MYH2: variants seen among roughly 807,000 people sequenced by gnomAD.
MYH2 encodes myosin heavy chain 2.
In MYH2, 139 loss-of-function variants were observed where a neutral mutation model predicts 228.1. That is an observed-to-expected ratio of 0.61 (90% confidence interval 0.53 to 0.70). MYH2 has a LOEUF of 0.70. Among genes scored for constraint, MYH2 ranks in the 30% least tolerant of loss-of-function variants. MYH2 has a pLI of 0.00. For synonymous variants in MYH2, 796 were observed against 871.1 expected, an observed-to-expected ratio of 0.91 and a Z score of 1.52; for missense variants, 1,809 against 2,357.5, an observed-to-expected ratio of 0.77 and a Z score of 4.82.
intron 19 of MYH2, among the ~76,000 whole-genome samples, chr17:10,534,523 A>C (rs185813097): frequency 1.3e-3 from 199 of 152,362 alleles, no homozygotes; most frequent in African/African-American, 4.5e-3. Context: ...GTTCTTAATT[A>C]TTATTGGAGT....
At chr17:10,549,022 A>G (rs1298338177) in intron 2 of MYH2, among the ~76,000 whole-genome samples, 4 of 152,246 alleles carry the variant, frequency 2.6e-5, no homozygotes, top group African/African-American at 4.8e-5. Context: ...TCCATTTTAC[A>G]TTGTTGGACA....
chr17:10,536,100 T>TC (rs1235012729), intron 17 of MYH2, among the ~76,000 whole-genome samples: 1 of 152,204 alleles, frequency 6.6e-6, no homozygotes, highest in Non-Finnish European at 1.5e-5. Flanking sequence ...GTAATTTAAA[T>TC]CCCTTCTTTC....
Position 10,523,518 on chromosome 17 carries a change from T to G in MYH2, c.5450A>C (p.Gln1817Pro). Residue 1817 changes from glutamine (Q) to proline (P), a missense_variant, in exon 37 of 40, where the codon CAG becomes CCG. Physicochemically the swap from Gln to Pro is moderately conservative, Grantham distance 76. Around this residue, in one of 9 missense-constraint regions of MYH2, gnomAD observed 278 missense variants for 308.5 expected, o/e 0.90. Coordinates refer to ENST00000245503, the MANE Select transcript of MYH2 (RefSeq NM_017534.6). The part of the protein sequence containing the change: ...EQLALKGGKK[Q>P]IQKLEARVRE... ...CACCCTGGCCTCCAGTTTCTGGATC[T>G]GCTTCTTCCCACCCTTCAGGGCCAG... The G allele has an allele frequency of 1.9e-6, 3 of 1,614,220 alleles. No individual in the cohort carries two copies. The highest frequency in any genetic ancestry group is 2.5e-6 in the Non-Finnish European group (3 of 1,180,028).
rs192793635 is a variant in MYH2, at chr17:10,531,600, G to A, written c.2697+33C>T. On this transcript the variant is annotated intron_variant, in intron 22 of 39. Transcript: ENST00000245503. The stretch of plus-strand genomic sequence containing the variant: ...CCAAAGTTCTAGCACCTGCATCCTG[G>A]TTAGTGATACCAAGGGTGATATTCC... 2.5e-4 allele frequency: 407 copies of A among 1,614,094 alleles called. 5 individuals carry two copies. In the East Asian group the frequency reaches 9.0e-3, roughly 36 times the overall value.
rs61739663 is a variant in MYH2, at chr17:10,525,735, G to A, written c.4329C>T (p.Ala1443=). Residue 1443 remains alanine, a synonymous_variant, in exon 31 of 40, where the codon GCC becomes GCT. Coordinates refer to ENST00000245503, the MANE Select transcript of MYH2 (RefSeq NM_017534.6). The surrounding 1 kb of genome is among the most constrained non-coding windows in gnomAD (Gnocchi z 4.2). The stretch of plus-strand genomic sequence containing the variant: ...GCTTTTTGTCAAGGGCGGCACAGGC[G>A]GCATTTGTCCTCTCCACATCAAGCA... ...DLMLDVERTN[A]ACAALDKKQR... is the part of the protein sequence containing the mutation. The A allele has an allele frequency of 6.0e-3, 9,700 of 1,614,174 alleles. 39 individuals carry two copies. Among genetic ancestry groups the A allele is most frequent in the Non-Finnish European group, 7.4e-3 (8,778 of 1,180,030 alleles).
rs1188031057 is a variant in MYH2 at position 10,529,907 on chromosome 17, T to C, written c.2865A>G (p.Glu955=). ...KKRKLEDECS[E]LKKDIDDLEL... ...CAAGGTCATCAATGTCTTTCTTGAG[T>C]TCTGAACATTCATCCTCCAGTTTCC... The change falls in exon 23 of 40, where the codon GAA becomes GAG. Residue 955 remains glutamate, a synonymous_variant. Coordinates refer to ENST00000245503, the MANE Select transcript of MYH2 (RefSeq NM_017534.6). 1 of 1,612,842 alleles carries C rather than the reference T, an allele frequency of 6.2e-7. No homozygotes were observed. Among genetic ancestry groups the C allele is most frequent in the Non-Finnish European group, 8.5e-7 (1 of 1,178,950 alleles).
chr17:10,525,368 C>T lies in MYH2; in HGVS notation c.4538-20G>A. 1 of 1,614,096 alleles carries T rather than the reference C, an allele frequency of 6.2e-7. No homozygotes were observed. The highest frequency in any genetic ancestry group is 8.5e-7 in the Non-Finnish European group (1 of 1,180,004). ...TCTCCTCTGTTGTTTGAGTAAAAGACAGGTAGGGATTTGGTTAAACATGTG... is the reference window on the plus strand; with the variant it reads ...TCTCCTCTGTTGTTTGAGTAAAAGATAGGTAGGGATTTGGTTAAACATGTG... On this transcript the variant is annotated intron_variant, in intron 32 of 39. Transcript: ENST00000245503. This position sits in a 1 kb window ranked among gnomAD's most constrained non-coding sequence, Gnocchi z 4.2.
In MYH2 at chr17:10,539,247, G is replaced by GTAC; in HGVS notation, c.1371_1373dup (p.Gln457_Tyr458insTer). The GTAC allele has an allele frequency of 6.2e-7, 1 of 1,614,212 alleles. No individual in the cohort carries two copies. Among genetic ancestry groups the GTAC allele is most frequent in the East Asian group, 2.2e-5 (1 of 44,880 alleles). ...CAGCAATGTCCAAGACCCCGATGAA[G>GTAC]TACTGCCTGGGCTGCTTGGTGTCCA... On this transcript the variant is annotated stop_gained, in exon 14 of 40. Transcript: ENST00000245503. LOFTEE classifies it high-confidence loss of function.
chr17:10,548,403 C>T (rs915531206), intron 2 of MYH2, among the ~76,000 whole-genome samples: 1 of 152,126 alleles, frequency 6.6e-6, no homozygotes, highest in Non-Finnish European at 1.5e-5. Context: ...GTTCAGGCCA[C>T]CATTTATATA....
chr17:10,525,982 A>G lies in MYH2; in HGVS notation c.4188-106T>C, dbSNP rs950550000. The G allele has an allele frequency of 7.1e-6, 9 of 1,270,688 alleles. No homozygotes were observed. In the Admixed American group the frequency reaches 1.9e-4, roughly 27 times the overall value. 78.7% of individuals were successfully genotyped at this position (1,270,688 alleles called of 1,614,324 possible). A position where few individuals can be genotyped will look rare whatever the true frequency, so the allele number is the denominator to read the frequency against. On this transcript the variant is annotated intron_variant, in intron 30 of 39. Coordinates refer to ENST00000245503, the MANE Select transcript of MYH2 (RefSeq NM_017534.6). This position sits in a 1 kb window ranked among gnomAD's most constrained non-coding sequence, Gnocchi z 4.2. ...TAGAAACTTCACATTAATGCTGCCC[A>G]GCCACCTTTCATTCTTTCAACAAAT... is the stretch of plus-strand genomic sequence containing the variant.
chr17:10,539,564 T>G lies in MYH2; in HGVS notation c.1148-2A>C, dbSNP rs1339907935. 6.2e-7 allele frequency: 1 copy of G among 1,609,964 alleles called. No individual in the cohort carries two copies. Among genetic ancestry groups the G allele is most frequent in the Non-Finnish European group, 8.5e-7 (1 of 1,176,264 alleles). ...GGAGGTAGGCCGCCTTGTCAGCAAC[T>G]AAAAAGAAGAAAGAGTAGAACAATG... is the stretch of plus-strand genomic sequence containing the variant. On this transcript the variant is annotated splice_acceptor_variant, in intron 12 of 39. Transcript: ENST00000245503. LOFTEE classifies it high-confidence loss of function.
chr17:10,542,467 A>G (rs961511854), intron 10 of MYH2, among the ~76,000 whole-genome samples: 1 of 152,184 alleles, frequency 6.6e-6, no homozygotes, highest in African/African-American at 2.4e-5. Flanking sequence ...GGAAATAATG[A>G]TGTGGAGCTA....
Position 10,543,651 on chromosome 17 carries a change from C to T in MYH2, c.741+60G>A, listed in dbSNP as rs113078185. ...GAAAAAGATTCAGAGAATGTAATTACAAACATCTCATAAATTTTGACCAGT... is the reference window on the plus strand; with the variant it reads ...GAAAAAGATTCAGAGAATGTAATTATAAACATCTCATAAATTTTGACCAGT... On this transcript the variant is annotated intron_variant, in intron 8 of 39. Transcript: ENST00000245503. 2.0e-5 allele frequency: 32 copies of T among 1,585,800 alleles called. No individual in the cohort carries two copies. The African/African-American group carries it at 3.8e-4, about 19-fold the overall frequency.
intron 4 of MYH2, among the ~76,000 whole-genome samples, chr17:10,546,968 G>A (rs1160354474): frequency 2.0e-5 from 3 of 151,536 alleles, no homozygotes; most frequent in East Asian, 3.9e-4. Context: ...GCACATGCCT[G>A]TAATCCCAGC....
rs927703431 is a variant in MYH2 at position 10,525,135 on chromosome 17, A to T, written c.4663-70T>A. ...TATGAAGTTTTTCTGCACAGCAATA[A>T]TTTTGTGCTATGTGTCTTTTTATTC... On this transcript the variant is annotated intron_variant, in intron 33 of 39. Coordinates refer to ENST00000245503, the MANE Select transcript of MYH2 (RefSeq NM_017534.6). This position sits in a 1 kb window ranked among gnomAD's most constrained non-coding sequence, Gnocchi z 4.2. 6.2e-7 allele frequency: 1 copy of T among 1,613,682 alleles called. No individual in the cohort carries two copies. Among genetic ancestry groups the T allele is most frequent in the African/African-American group, 1.3e-5 (1 of 74,908 alleles).
chr17:10,525,987 C>T lies in MYH2; in HGVS notation c.4188-111G>A, dbSNP rs2073347759. ...ACTTCACATTAATGCTGCCCAGCCA[C>T]CTTTCATTCTTTCAACAAATATTGA... On this transcript the variant is annotated intron_variant, in intron 30 of 39. Transcript: ENST00000245503. This position sits in a 1 kb window ranked among gnomAD's most constrained non-coding sequence, Gnocchi z 4.2. 2 of 1,236,028 alleles carry T rather than the reference C, an allele frequency of 1.6e-6. No individual in the cohort carries two copies. Among genetic ancestry groups the T allele is most frequent in the Non-Finnish European group, 2.3e-6 (2 of 879,478 alleles). 76.6% of individuals were successfully genotyped at this position (1,236,028 alleles called of 1,614,324 possible).
At position 10,531,632 on chromosome 17, in the gene MYH2, C is replaced by T. The variant is rs2142303126; in HGVS notation, c.2697+1G>A. The T allele has an allele frequency of 6.2e-7, 1 of 1,614,202 alleles. No homozygotes were observed. The highest frequency in any genetic ancestry group is 8.5e-7 in the Non-Finnish European group (1 of 1,180,028). Reference sequence around the variant, plus strand: ...ATACCAAGGGTGATATTCCAACTCACAGCCTGAACTTGGAGCTGCAAGTCA... The same window carrying T: ...ATACCAAGGGTGATATTCCAACTCATAGCCTGAACTTGGAGCTGCAAGTCA... On this transcript the variant is annotated splice_donor_variant, in intron 22 of 39. Transcript: ENST00000245503. LOFTEE classifies it high-confidence loss of function.
chr17:10,531,680 C>T lies in MYH2; in HGVS notation c.2650G>A (p.Val884Met), dbSNP rs1407784794. The T allele has an allele frequency of 1.2e-6, 2 of 1,614,054 alleles. No homozygotes were observed. The highest frequency in any genetic ancestry group is 1.3e-5 in the African/African-American group (1 of 74,930). The change falls in exon 22 of 40, where the codon GTG becomes ATG. Residue 884 changes from valine (V) to methionine (M), a missense_variant. Coordinates refer to ENST00000245503, the MANE Select transcript of MYH2 (RefSeq NM_017534.6). The stretch of plus-strand genomic sequence containing the variant: ...TCATTTTTTTCTTTCAACAGCGTCA[C>T]CATCTTTTCTTCCAGTTCCTTCCTT... The part of the protein sequence containing the change: ...AKRKELEEKM[V>M]TLLKEKNDLQ...
chr17:10,543,685 T>A, intron 8 of MYH2, 26 bp downstream of exon 8: 1 of 1,613,280 alleles, frequency 6.2e-7, no homozygotes, highest in Non-Finnish European at 8.5e-7. Context: ...GTGAACAGCA[T>A]CTATTAGCGT....
Sources: gnomAD v4.1 joint callset for allele counts (sites outside exome capture counted in the v4.1 genomes callset) on GRCh38, gnomAD v4.1.1 for gene constraint, gnomAD v4.1.1 regional missense constraint, Gnocchi (gnomAD v3.1) non-coding constraint, MANE v1.5 for transcripts, NCBI Gene and HGNC (gene_info 2026-07-23, HGNC 2026-07-21) for gene names.